Variants in FBXW5 observed in about 807,000 individuals in gnomAD.
FBXW5 encodes the protein F-box/WD repeat-containing protein 5.
FBXW5 carries 74 observed loss-of-function variants against 50.9 expected under a neutral mutation model. The observed-to-expected ratio is 1.45, with a 90% confidence interval of 1.20 to 1.76. The LOEUF is 1.76. FBXW5 is among the 40% of genes most tolerant of loss of function. The pLI is 0.00. For synonymous variants in FBXW5, 523 were observed against 362.2 expected (o/e 1.44, Z -5.04); for missense variants, 1,073 against 818.8 (o/e 1.31, Z -3.79).
chr9:136,941,278 A>G lies in FBXW5; in HGVS notation c.1430T>C (p.Leu477Pro), dbSNP rs756329824. The G allele has an allele frequency of 1.2e-6, 2 of 1,607,232 alleles. No individual in the cohort carries two copies. Among genetic ancestry groups the G allele is most frequent in the Non-Finnish European group, 1.7e-6 (2 of 1,179,746 alleles). ...TPNDECFFIF[L>P]DVSRDFVASG... ...GGCCACGAAGTCCCTGCTGACGTCC[A>G]GGAAGATGAAGAAGCACTCGTCGTT... Residue 477 changes from leucine (L) to proline (P), a missense_variant, in exon 8 of 9, where the codon CTG (leucine) becomes CCG (proline). Coordinates refer to ENST00000325285, the MANE Select transcript of FBXW5 (RefSeq NM_018998.4).
intron 2 of FBXW5, 59 bp from the exon 3 acceptor site, chr9:136,943,565 G>A: frequency 6.5e-7 from 1 of 1,547,778 alleles, no homozygotes; most frequent in South Asian, 1.2e-5. Context: ...ACGGCCATGA[G>A]CCGAGTGTGG....
chr9:136,941,584 T>C lies in FBXW5; in HGVS notation c.1197A>G (p.Ile399Met), dbSNP rs1378178263. ...DAFFDALDHV[I>M]DIHGHIIGMG... Reference sequence around the variant, plus strand: ...TGCCGATGATGTGTCCGTGTATGTCTATGACGTGGTCCAGCGCGTCGAAGA... The same window carrying C: ...TGCCGATGATGTGTCCGTGTATGTCCATGACGTGGTCCAGCGCGTCGAAGA... Residue 399 changes from isoleucine to methionine, a missense_variant, in exon 7 of 9, where the codon ATA becomes ATG. Physicochemically the swap from Ile to Met is conservative, Grantham distance 10. Transcript: ENST00000325285. The C allele has an allele frequency of 5.0e-6, 8 of 1,609,270 alleles. No individual in the cohort carries two copies. Among genetic ancestry groups the C allele is most frequent in the Non-Finnish European group, 2.5e-6 (3 of 1,178,714 alleles).
chr9:136,944,064 G>C lies in FBXW5; in HGVS notation c.20C>G (p.Pro7Arg). Reference sequence around the variant, plus strand: ...GTAGACCAGGCTGTCGGGGAGCAGGGGCGTGCCGCCCTCGTCCATCGTGAC... The same window carrying C: ...GTAGACCAGGCTGTCGGGGAGCAGGCGCGTGCCGCCCTCGTCCATCGTGAC... MDEGGT[P>R]LLPDSLVYQI... The change falls in exon 2 of 9, where the codon CCC (proline) becomes CGC (arginine). Residue 7 changes from proline (P) to arginine (R), a missense_variant. Pro to Arg is a moderately radical substitution (Grantham distance 103, BLOSUM62 -2). Transcript: ENST00000325285. The C allele has an allele frequency of 1.2e-6, 2 of 1,600,296 alleles. No homozygotes were observed. Among genetic ancestry groups the C allele is most frequent in the Non-Finnish European group, 1.7e-6 (2 of 1,174,182 alleles).
intron 3 of FBXW5, 147 bp from the exon 4 acceptor site, chr9:136,943,090 C>CG: frequency 6.9e-6 from 9 of 1,305,256 alleles, no homozygotes; most frequent in Middle Eastern, 2.6e-4. Flanking sequence ...GTCATCCACT[C>CG]GGGGGGCATT....
At chr9:136,943,801 G>A (rs907260403) in intron 2 of FBXW5, 90 bp downstream of exon 2, 29 of 1,375,732 alleles carry the variant, frequency 2.1e-5, no homozygotes, top group Admixed American at 4.6e-5. Flanking sequence ...GCGGGGCCGC[G>A]GGGCGGGCCC....
In FBXW5 at chr9:136,941,581, G is replaced by A; in HGVS notation, c.1200C>T (p.Asp400=). ...AFFDALDHVI[D]IHGHIIGMGL... is the part of the protein sequence containing the mutation. ...CCATGCCGATGATGTGTCCGTGTAT[G>A]TCTATGACGTGGTCCAGCGCGTCGA... Residue 400 remains aspartate, a synonymous_variant, in exon 7 of 9, where the codon GAC becomes GAT. Coordinates refer to ENST00000325285, the MANE Select transcript of FBXW5 (RefSeq NM_018998.4). 2 of 1,609,512 alleles carry A rather than the reference G, an allele frequency of 1.2e-6. No individual in the cohort carries two copies. Among genetic ancestry groups the A allele is most frequent in the South Asian group, 1.1e-5 (1 of 90,770 alleles).
rs370766969 is a variant in FBXW5 at position 136,943,885 on chromosome 9, A to G, written c.193+6T>C. 2.6e-6 allele frequency: 4 copies of G among 1,549,442 alleles called. No individual in the cohort carries two copies. Among genetic ancestry groups the G allele is most frequent in the Non-Finnish European group, 3.5e-6 (4 of 1,146,648 alleles). ...AACGTGGGTAGGGGCCCCACACGCC[A>G]CTGACCTGGGTGTCGGGGCACGTCG... On this transcript the variant is annotated splice_donor_region_variant and intron_variant, in intron 2 of 8. Coordinates refer to ENST00000325285, the MANE Select transcript of FBXW5 (RefSeq NM_018998.4).
At position 136,941,026 on chromosome 9, in the gene FBXW5, T is replaced by C; in HGVS notation, c.1603A>G (p.Ile535Val). Residue 535 changes from isoleucine (I) to valine (V), a missense_variant, in exon 9 of 9, where the codon ATC (isoleucine) becomes GTC (valine). Ile to Val is a conservative substitution (Grantham distance 29, BLOSUM62 3). Transcript: ENST00000325285. ...GTGCGTGGGGAGCGCCAGGCTTTGA[T>C]GGTGGCGTCGTCGCTGGCCGTGAGC... ...LLLTASDDAT[I>V]KAWRSPRTMR... is the part of the protein sequence containing the mutation. 1 of 1,553,332 alleles carries C rather than the reference T, an allele frequency of 6.4e-7. No individual in the cohort carries two copies. Among genetic ancestry groups the C allele is most frequent in the South Asian group, 1.2e-5 (1 of 84,536 alleles).
In FBXW5 at chr9:136,943,992, AGCCCGGCGGCCAGCACGTCG is replaced by A; in HGVS notation, c.72_91del (p.Asp25GlyfsTer47). On this transcript the variant is annotated frameshift_variant, in exon 2 of 9. Transcript: ENST00000325285. LOFTEE classifies it high-confidence loss of function. ...CACGGCCTGCCATTGGCGGCACACC[AGCCCGGCGGCCAGCACGTCG>A]GCCGGGCCCAGGCTCAGGAAGATCT... is the stretch of plus-strand genomic sequence containing the variant. 6 of 1,589,574 alleles carry A rather than the reference AGCCCGGCGGCCAGCACGTCG, an allele frequency of 3.8e-6. No homozygotes were observed. Among genetic ancestry groups the A allele is most frequent in the Non-Finnish European group, 4.3e-6 (5 of 1,169,362 alleles).
chr9:136,942,621 G>A lies in FBXW5; in HGVS notation c.601C>T (p.Leu201Phe). The A allele has an allele frequency of 1.9e-6, 3 of 1,610,124 alleles. No individual in the cohort carries two copies. Among genetic ancestry groups the A allele is most frequent in the Non-Finnish European group, 1.7e-6 (2 of 1,178,840 alleles). Reference protein sequence around the residue: ...VFGCWLTETSLISGNLHRIGD... With the variant: ...VFGCWLTETSFISGNLHRIGD... ...ATGCGGTGCAGGTTCCCCGAGATGA[G>A]GCTGGTCTCGGTGAGCCAACAGCCA... Residue 201 changes from leucine (L) to phenylalanine (F), a missense_variant, in exon 5 of 9, where the codon CTC (leucine) becomes TTC (phenylalanine). Coordinates refer to ENST00000325285, the MANE Select transcript of FBXW5 (RefSeq NM_018998.4).
At position 136,941,019 on chromosome 9, in the gene FBXW5, G is replaced by A; in HGVS notation, c.1610C>T (p.Ala537Val). The change falls in exon 9 of 9, where the codon GCC (alanine) becomes GTC (valine). Residue 537 changes from alanine to valine, a missense_variant. By Grantham distance (64) the Ala-to-Val change is moderately conservative. Transcript: ENST00000325285. ...LTASDDATIK[A>V]WRSPRTMRVL... ...GCGCATGGTGCGTGGGGAGCGCCAG[G>A]CTTTGATGGTGGCGTCGTCGCTGGC... 2 of 1,553,478 alleles carry A rather than the reference G, an allele frequency of 1.3e-6. No individual in the cohort carries two copies. Among genetic ancestry groups the A allele is most frequent in the Non-Finnish European group, 1.7e-6 (2 of 1,148,320 alleles).
In FBXW5 at chr9:136,942,433, GCTT is replaced by G; in HGVS notation, c.706_708del (p.Lys236del). ...TTGAGGTTCTGGATCTTGAACAGCC[GCTT>G]CACCACGTTGACGTTCTCTGACTCC... is the stretch of plus-strand genomic sequence containing the variant. On this transcript the variant is annotated inframe_deletion, in exon 6 of 9. Coordinates refer to ENST00000325285, the MANE Select transcript of FBXW5 (RefSeq NM_018998.4). The G allele has an allele frequency of 6.2e-7, 1 of 1,601,650 alleles. No homozygotes were observed. The highest frequency in any genetic ancestry group is 1.1e-5 in the South Asian group (1 of 90,772).
At chr9:136,942,015 C>G in intron 6 of FBXW5, 31 bp downstream of exon 6, 1 of 1,574,562 alleles carries the variant, frequency 6.4e-7, no homozygotes, top group Non-Finnish European at 8.7e-7. Flanking sequence ...CTCCTAGGAC[C>G]GAGGCGGGCA....
chr9:136,943,140 G>C, intron 3 of FBXW5, 197 bp from the exon 4 acceptor site: 1 of 1,035,812 alleles, frequency 9.7e-7, no homozygotes, highest in Non-Finnish European at 1.4e-6. Flanking sequence ...GCAGGCGGCT[G>C]TGTGTGGGAC....
Position 136,942,669 on chromosome 9 carries a change from GCA to G in FBXW5, c.551_552del (p.Val184AlafsTer6), listed in dbSNP as rs1564435579. On this transcript the variant is annotated frameshift_variant, in exon 5 of 9. Transcript: ENST00000325285. LOFTEE classifies it high-confidence loss of function. Reference sequence around the variant, plus strand: ...CCAAACACGTCATAGGGCTTGTTCCGCACGCGGGACAGCAGCGCGAAGGAGTC... The same window carrying G: ...CCAAACACGTCATAGGGCTTGTTCCGCGCGGGACAGCAGCGCGAAGGAGTC... ...SLDSFALLSR[V>X]RNKPYDVFGC... 2 of 1,610,076 alleles carry G rather than the reference GCA, an allele frequency of 1.2e-6. No homozygotes were observed.
At position 136,943,993 on chromosome 9, in the gene FBXW5, G is replaced by A. The variant is rs1236559869; in HGVS notation, c.91C>T (p.Leu31=). The A allele has an allele frequency of 5.0e-6, 8 of 1,589,786 alleles. No homozygotes were observed. Among genetic ancestry groups the A allele is most frequent in the Non-Finnish European group, 6.0e-6 (7 of 1,169,490 alleles). The change falls in exon 2 of 9, where the codon CTG becomes TTG. Residue 31 remains leucine, a synonymous_variant. Transcript: ENST00000325285. ...ACGGCCTGCCATTGGCGGCACACCA[G>A]CCCGGCGGCCAGCACGTCGGCCGGG... ...LGPADVLAAG[L]VCRQWQAVSR...
intron 6 of FBXW5, 77 bp from the exon 7 acceptor site, chr9:136,941,761 GGT>G: frequency 7.0e-7 from 1 of 1,435,248 alleles, no homozygotes; most frequent in Non-Finnish European, 9.4e-7. Flanking sequence ...CTACCTCAGT[GGT>G]GTCTCTGGGG....
In FBXW5 at chr9:136,943,928, G is replaced by C; in HGVS notation, c.156C>G (p.Arg52=). ...GCACGTCGCGGGCCACCTGGTAGTA[G>C]CGGTAGAACTGCTCCCTCCACAGGA... ...DEFLWREQFY[R]YYQVARDVPR... The change falls in exon 2 of 9, where the codon CGC becomes CGG. Residue 52 remains arginine, a synonymous_variant. Transcript: ENST00000325285. 4 of 1,551,790 alleles carry C rather than the reference G, an allele frequency of 2.6e-6. No individual in the cohort carries two copies. The highest frequency in any genetic ancestry group is 1.7e-4 in the Middle Eastern group (1 of 5,990).
rs1020407000 is a variant in FBXW5 at position 136,940,478 on chromosome 9, G to A, written c.*450C>T. The stretch of plus-strand genomic sequence containing the variant: ...ATTCAGGGCCCTGAACGGGTGGTGC[G>A]TGGACATGCAACACACTCGGGCCCA... On this transcript the variant is annotated 3_prime_UTR_variant, in exon 9 of 9. Transcript: ENST00000325285. 2.7e-4 allele frequency: 65 copies of A among 236,768 alleles called. No individual in the cohort carries two copies. The highest frequency in any genetic ancestry group is 1.7e-3 in the Admixed American group (35 of 20,140). 14.7% of individuals were successfully genotyped at this position (236,768 alleles called of 1,614,324 possible). A position where few individuals can be genotyped will look rare whatever the true frequency, so the allele number is the denominator to read the frequency against.
Sources: allele counts gnomAD v4.1 joint callset, GRCh38; gene constraint gnomAD v4.1.1; transcripts MANE v1.5; gene names NCBI Gene and HGNC (gene_info 2026-07-23, HGNC 2026-07-21).